The following ZFAND3 variants were observed in gnomAD, a reference collection of about 807,000 sequenced individuals.
ZFAND3 encodes the protein AN1-type zinc finger protein 3.
A neutral mutation model predicts 29.6 loss-of-function variants in ZFAND3; 10 were observed. That is an observed-to-expected ratio of 0.34 (90% CI 0.21 to 0.57). The LOEUF is 0.57. Ranked by LOEUF, ZFAND3 falls within the 20% of genes least tolerant of loss-of-function variation. The pLI is 0.86. For synonymous variants in ZFAND3, 128 were observed against 112.6 expected (o/e 1.14, Z -0.87); for missense variants, 230 against 304.5 (o/e 0.76, Z 1.82).
At chr6:37,827,416 A>G (rs1489805653) in intron 1 of ZFAND3, among the ~76,000 whole-genome samples, 1 of 152,234 alleles carries the variant, frequency 6.6e-6, no homozygotes, top group Non-Finnish European at 1.5e-5. Context: ...GAAAGTTGAT[A>G]GGTTGTAGAT....
rs868646055 is a variant in ZFAND3 at position 38,153,685 on chromosome 6, G to A, written c.*1296G>A. 46 of 985,326 alleles carry A rather than the reference G, an allele frequency of 4.7e-5. No homozygotes were observed. In the African/African-American group the frequency reaches 6.6e-4, roughly 14 times the overall value. 61.0% of individuals were successfully genotyped at this position (985,326 alleles called of 1,614,324 possible). A position where few individuals can be genotyped will look rare whatever the true frequency, so the allele number is the denominator to read the frequency against. ...CGCCAGGTGGGGAAGGGTGGGGGTG[G>A]GCCTGGTTGCCCCATGTTAGGAAAT... On this transcript the variant is annotated 3_prime_UTR_variant, in exon 6 of 6. Coordinates refer to ENST00000287218, the MANE Select transcript of ZFAND3 (RefSeq NM_021943.3).
chr6:37,904,240 G>C (rs1272765940), intron 1 of ZFAND3, among the ~76,000 whole-genome samples: 1 of 152,140 alleles, frequency 6.6e-6, no homozygotes, highest in Non-Finnish European at 1.5e-5. Flanking sequence ...GATTATTAAT[G>C]GGCGAAGTTC....
intron 1 of ZFAND3, among the ~76,000 whole-genome samples, chr6:37,833,687 G>A (rs749819966): frequency 1.3e-5 from 2 of 151,870 alleles, no homozygotes; most frequent in East Asian, 1.9e-4. Context: ...TTAGCTGGGC[G>A]TGGTGGCGAG....
chr6:37,992,197 G>A (rs974690368), intron 2 of ZFAND3, among the ~76,000 whole-genome samples: 1 of 152,054 alleles, frequency 6.6e-6, no homozygotes, highest in African/African-American at 2.4e-5. Flanking sequence ...GTATTTCTAG[G>A]TAGTATTTCC....
chr6:37,935,229 C>G (rs1039196348), intron 2 of ZFAND3, among the ~76,000 whole-genome samples: 4 of 152,078 alleles, frequency 2.6e-5, no homozygotes, highest in South Asian at 2.1e-4. Context: ...ATGTAAGCAC[C>G]CTGGGACATG....
intron 5 of ZFAND3, among the ~76,000 whole-genome samples, chr6:38,135,814 G>GT (rs1215677491): frequency 1.3e-5 from 2 of 152,028 alleles, no homozygotes; most frequent in East Asian, 3.9e-4. Context: ...AGGTACACAC[G>GT]TAAGAGCTGC....
In ZFAND3 at chr6:37,851,072, GT is replaced by G. The variant is rs542963471; in HGVS notation, c.71+31057del. 2.9e-3 allele frequency among the ~76,000 whole-genome samples: 436 copies of G among 148,442 alleles called. 2 individuals carry two copies. Among genetic ancestry groups the G allele is most frequent in the African/African-American group, 0.01 (415 of 40,110 alleles). On this transcript the variant is annotated intron_variant, in intron 1 of 5. Coordinates refer to ENST00000287218, the MANE Select transcript of ZFAND3 (RefSeq NM_021943.3). ...TTTTTTTTTTTTCTTTTTTGAGACAGTGTCTCGCACTGTCACCCAGGCTGGA... is the reference window on the plus strand; with the variant it reads ...TTTTTTTTTTTTCTTTTTTGAGACAGGTCTCGCACTGTCACCCAGGCTGGA...
chr6:37,888,462 C>CT (rs1207209811), intron 1 of ZFAND3, among the ~76,000 whole-genome samples: 1 of 152,104 alleles, frequency 6.6e-6, no homozygotes, highest in African/African-American at 2.4e-5. Context: ...ATGCTTTATT[C>CT]TTTTAGAGCT....
chr6:37,840,503 C>T (rs1378093569), intron 1 of ZFAND3, among the ~76,000 whole-genome samples: 1 of 152,214 alleles, frequency 6.6e-6, no homozygotes, highest in Admixed American at 6.5e-5. Flanking sequence ...TCTACAATTT[C>T]ATTCTTCTTT....
At chr6:37,997,455 A>G (rs1357195897) in intron 2 of ZFAND3, among the ~76,000 whole-genome samples, 2 of 152,234 alleles carry the variant, frequency 1.3e-5, no homozygotes, top group African/African-American at 4.8e-5. Context: ...TCGTACAGAA[A>G]GCTAGGAACT....
At chr6:37,871,020 G>A (rs1026657342) in intron 1 of ZFAND3, among the ~76,000 whole-genome samples, 1 of 152,136 alleles carries the variant, frequency 6.6e-6, no homozygotes, top group Non-Finnish European at 1.5e-5. Flanking sequence ...TTTCCATCTT[G>A]TACTCCGTTT....
At chr6:38,075,868 C>T (rs930220218) in intron 3 of ZFAND3, among the ~76,000 whole-genome samples, 32 of 152,292 alleles carry the variant, frequency 2.1e-4, no homozygotes, top group African/African-American at 7.7e-4. Context: ...TCTCCTGCCT[C>T]AGCCTCCCGA....
At chr6:37,997,270 GTCT>G (rs767063954) in intron 2 of ZFAND3, among the ~76,000 whole-genome samples, 4 of 152,290 alleles carry the variant, frequency 2.6e-5, no homozygotes, top group African/African-American at 4.8e-5. Flanking sequence ...TAACGTATCA[GTCT>G]TCTTCTTCGG....
intron 2 of ZFAND3, among the ~76,000 whole-genome samples, chr6:37,931,300 T>C (rs1295470270): frequency 2.6e-5 from 4 of 152,164 alleles, no homozygotes; most frequent in South Asian, 2.1e-4. Context: ...GTAGATTCTT[T>C]GGCAGCCTTG....
intron 4 of ZFAND3, among the ~76,000 whole-genome samples, chr6:38,100,590 A>G (rs567825933): frequency 6.6e-6 from 1 of 152,314 alleles, no homozygotes; most frequent in African/African-American, 2.4e-5. Context: ...TTCTGACCCT[A>G]CTGTTGATTA....
At chr6:37,920,436 C>T (rs1761356838) in intron 1 of ZFAND3, among the ~76,000 whole-genome samples, 1 of 151,774 alleles carries the variant, frequency 6.6e-6, no homozygotes, top group South Asian at 2.1e-4. Flanking sequence ...TGGTGCTGGA[C>T]TAAACTTTCA....
chr6:37,911,162 G>T (rs1215963326), intron 1 of ZFAND3, among the ~76,000 whole-genome samples: 1 of 152,070 alleles, frequency 6.6e-6, no homozygotes, highest in East Asian at 1.9e-4. Context: ...GTATACAAGG[G>T]TTCCCTTTTT....
At chr6:37,832,123 G>A (rs1326893998) in intron 1 of ZFAND3, among the ~76,000 whole-genome samples, 3 of 152,120 alleles carry the variant, frequency 2.0e-5, no homozygotes, top group African/African-American at 4.8e-5. Flanking sequence ...AAAGGAAACC[G>A]GTTAGCCTGT....
At chr6:38,132,395 C>T (rs1023145087) in intron 5 of ZFAND3, among the ~76,000 whole-genome samples, 1 of 152,182 alleles carries the variant, frequency 6.6e-6, no homozygotes, top group Non-Finnish European at 1.5e-5. Context: ...ATAGTCCTAA[C>T]TACTCAGAGG....
Sources: allele counts gnomAD v4.1 joint callset (sites outside exome capture counted in the v4.1 genomes callset), GRCh38; gene constraint gnomAD v4.1.1; transcripts MANE v1.5; gene names NCBI Gene and HGNC (gene_info 2026-07-23, HGNC 2026-07-21).